Variants in TENT2 observed in about 807,000 individuals in gnomAD.
The protein encoded by TENT2 is terminal nucleotidyltransferase 2, also known as poly(A) RNA polymerase GLD2.
Under a neutral mutation model 72.2 loss-of-function variants are expected in TENT2, and 44 were observed. The ratio of observed to expected loss-of-function variants is 0.61; its 90% CI spans 0.48 to 0.78. TENT2 has a LOEUF of 0.78. Ranked by LOEUF, TENT2 falls within the 30% of genes least tolerant of loss-of-function variation. The pLI, the probability that TENT2 is intolerant of heterozygous loss-of-function variation, is 0.00. For synonymous variants in TENT2, 212 were observed against 192.5 expected (o/e 1.10, Z -0.84); for missense variants, 541 against 569.6 (o/e 0.95, Z 0.51).
In TENT2 at chr5:79,673,405, GT is replaced by G. The variant is rs573140784; in HGVS notation, c.1208+4378del. 1.1e-3 allele frequency among the ~76,000 whole-genome samples: 174 copies of G among 152,222 alleles called. 1 individual carries two copies. The highest frequency in any genetic ancestry group is 3.8e-3 in the African/African-American group (156 of 41,536). On this transcript the variant is annotated intron_variant, in intron 12 of 14. Transcript: ENST00000453514. Reference sequence around the variant, plus strand: ...TGGAGAGTTTCTCCAATGTTTTCTTGTGGTGGTTTCATAATTTGAGGTCTTA... The same window carrying G: ...TGGAGAGTTTCTCCAATGTTTTCTTGGGTGGTTTCATAATTTGAGGTCTTA...
chr5:79,669,396 A>G (rs1388898196), intron 12 of TENT2, among the ~76,000 whole-genome samples: 2 of 152,252 alleles, frequency 1.3e-5, no homozygotes, highest in Admixed American at 6.5e-5. Context: ...ACTGCTAAGA[A>G]AGACTAATGA....
chr5:79,674,852 G>A (rs1196096402), intron 12 of TENT2, among the ~76,000 whole-genome samples: 1 of 152,318 alleles, frequency 6.6e-6, no homozygotes, highest in East Asian at 1.9e-4. Flanking sequence ...CCAATGGAAT[G>A]TGGTATCTTG....
intron 11 of TENT2, among the ~76,000 whole-genome samples, chr5:79,659,005 T>C (rs1483384824): frequency 6.6e-6 from 1 of 152,162 alleles, no homozygotes; most frequent in African/African-American, 2.4e-5. Context: ...AAAATACTAA[T>C]AGCAAGACCT....
intron 12 of TENT2, among the ~76,000 whole-genome samples, chr5:79,671,397 T>C (rs1217833065): frequency 6.6e-6 from 1 of 151,844 alleles, no homozygotes; most frequent in East Asian, 1.9e-4. Context: ...TAAAAAGTTC[T>C]TTTTTCTTTT....
At chr5:79,646,047 T>A (rs956093044) in intron 8 of TENT2, among the ~76,000 whole-genome samples, 8 of 152,184 alleles carry the variant, frequency 5.3e-5, no homozygotes, top group African/African-American at 1.9e-4. Context: ...GGTGACACAC[T>A]GTCTTCTTGT....
chr5:79,619,949 G>T, intron 2 of TENT2, 45 bp from the exon 3 acceptor site: 1 of 1,490,352 alleles, frequency 6.7e-7, no homozygotes, highest in Non-Finnish European at 9.1e-7. Context: ...TGTTTTTAAA[G>T]AAAAAATATG....
rs564698315 is a variant in TENT2 at position 79,674,110 on chromosome 5, G to A, written c.1208+5082G>A. Among the ~76,000 whole-genome samples, 17 of 152,276 alleles carry A rather than the reference G, an allele frequency of 1.1e-4. No individual in the cohort carries two copies. In the South Asian group the frequency reaches 3.5e-3, roughly 32 times the overall value. On this transcript the variant is annotated intron_variant, in intron 12 of 14. Coordinates refer to ENST00000453514, the MANE Select transcript of TENT2 (RefSeq NM_001114394.3). ...TCATTAAAAACAAACAAGGCCGGGC[G>A]TGGTGGCTCACGCCTGTAATACCAG...
intron 11 of TENT2, 79 bp downstream of exon 11, chr5:79,657,080 TTA>T (rs1414836335): frequency 2.0e-6 from 2 of 995,276 alleles, no homozygotes; most frequent in East Asian, 5.4e-5. Flanking sequence ...ATTAATGTGA[TTA>T]TAAAAGTAGT....
chr5:79,613,511 A>G (rs1470906051), intron 1 of TENT2, among the ~76,000 whole-genome samples: 1 of 152,228 alleles, frequency 6.6e-6, no homozygotes, highest in African/African-American at 2.4e-5. Flanking sequence ...TTCATATTGT[A>G]TGGTTCAGTA....
At chr5:79,666,808 T>C (rs1004257614) in intron 11 of TENT2, among the ~76,000 whole-genome samples, 14 of 152,116 alleles carry the variant, frequency 9.2e-5, no homozygotes, top group African/African-American at 3.4e-4. Flanking sequence ...TGTCCAAAGA[T>C]TGATCCTTCT....
At chr5:79,615,243 T>G (rs1758720393) in intron 1 of TENT2, 1 of 152,208 alleles carries the variant, frequency 6.6e-6, no homozygotes, top group African/African-American at 2.4e-5. Context: ...TAGACTTAGT[T>G]TGGATTTGGC....
intron 6 of TENT2, among the ~76,000 whole-genome samples, chr5:79,642,524 A>G (rs763533407): frequency 6.6e-6 from 1 of 152,016 alleles, no homozygotes; most frequent in Non-Finnish European, 1.5e-5. Context: ...TTTTTGTTGG[A>G]GGTTGCTTTT....
chr5:79,642,850 C>T lies in TENT2; in HGVS notation c.691C>T (p.Gln231Ter). The T allele has an allele frequency of 6.2e-7, 1 of 1,610,434 alleles. No homozygotes were observed. Among genetic ancestry groups the T allele is most frequent in the Non-Finnish European group, 8.5e-7 (1 of 1,178,506 alleles). The change falls in exon 7 of 15, where the codon CAG (glutamine) becomes TAG (stop). Residue 231 changes from glutamine (Q) to a stop codon, truncating the protein, a stop_gained. Coordinates refer to ENST00000453514, the MANE Select transcript of TENT2 (RefSeq NM_001114394.3). LOFTEE classifies it high-confidence loss of function. ...TTTTCAGTGTTTTTTTCAGGTAAAT[C>T]AGAAGACTGAAGCACGGCATATACT... ...KEEPCFFQVN[Q>*]KTEARHILTL...
At chr5:79,659,571 T>A (rs1283650542) in intron 11 of TENT2, among the ~76,000 whole-genome samples, 9 of 122,382 alleles carry the variant, frequency 7.4e-5, no homozygotes, top group East Asian at 2.6e-4. Context: ...TATATATATA[T>A]ATATATATAT....
In TENT2 at chr5:79,681,967, C is replaced by A; in HGVS notation, c.1301-15C>A. The A allele has an allele frequency of 6.2e-7, 1 of 1,600,262 alleles. No individual in the cohort carries two copies. Among genetic ancestry groups the A allele is most frequent in the Non-Finnish European group, 8.5e-7 (1 of 1,173,362 alleles). On this transcript the variant is annotated splice_polypyrimidine_tract_variant and intron_variant, in intron 13 of 14. Transcript: ENST00000453514. ...TTTAATAATTTTTCCTTTACATTTGCATTTAACATTGCAGAACCTTTTGAT... is the reference window on the plus strand; with the variant it reads ...TTTAATAATTTTTCCTTTACATTTGAATTTAACATTGCAGAACCTTTTGAT...
At chr5:79,658,343 A>G (rs1799395728) in intron 11 of TENT2, among the ~76,000 whole-genome samples, 1 of 151,340 alleles carries the variant, frequency 6.6e-6, no homozygotes, top group South Asian at 2.1e-4. Context: ...ATTCTTTTGA[A>G]TCTTTTTATT....
At chr5:79,661,859 C>A (rs936225298) in intron 11 of TENT2, among the ~76,000 whole-genome samples, 1 of 152,178 alleles carries the variant, frequency 6.6e-6, no homozygotes, top group African/African-American at 2.4e-5. Context: ...ATGATCTTTG[C>A]TAGCATTTTA....
At chr5:79,627,732 G>A (rs181396049) in intron 4 of TENT2, among the ~76,000 whole-genome samples, 3 of 152,266 alleles carry the variant, frequency 2.0e-5, no homozygotes, top group East Asian at 1.9e-4. Flanking sequence ...TGAACCACCC[G>A]CCTCAGCTTC....
At chr5:79,622,704 T>C (rs1204728293) in intron 3 of TENT2, among the ~76,000 whole-genome samples, 9 of 152,204 alleles carry the variant, frequency 5.9e-5, no homozygotes, top group Admixed American at 5.9e-4. Context: ...ATACATTGAT[T>C]ATTCCTGAGA....
Sources: gnomAD v4.1 joint callset for allele counts (sites outside exome capture counted in the v4.1 genomes callset) on GRCh38, gnomAD v4.1.1 for gene constraint, MANE v1.5 for transcripts, NCBI Gene and HGNC (gene_info 2026-07-23, HGNC 2026-07-21) for gene names.